The following AFG2A variants were observed in gnomAD, a reference collection of about 807,000 sequenced individuals.
AFG2A encodes ATPase family gene 2 protein homolog A.
chr4:123,143,533 T>C, the AFG2A span, among the ~76,000 whole-genome samples: 1 of 152,074 alleles, frequency 6.6e-6, no homozygotes, highest in South Asian at 2.1e-4. Context: ...CTTATGAGCT[T>C]TTCCAATTTT....
chr4:123,234,250 G>A, the AFG2A span, among the ~76,000 whole-genome samples: 13 of 152,018 alleles, frequency 8.6e-5, no homozygotes, highest in African/African-American at 2.2e-4. Flanking sequence ...ACAATCTGAC[G>A]GTATAAAATT....
chr4:122,967,418 A>G, the AFG2A span, among the ~76,000 whole-genome samples: 2 of 152,108 alleles, frequency 1.3e-5, no homozygotes, highest in East Asian at 1.9e-4. Context: ...AAATCAGAGT[A>G]ACGGCATGTA....
the AFG2A span, among the ~76,000 whole-genome samples, chr4:123,205,225 GTGGTA>G: frequency 3.3e-5 from 5 of 152,226 alleles, no homozygotes; most frequent in East Asian, 9.6e-4. Flanking sequence ...AGGGAGTACA[GTGGTA>G]TATAAGTAGT....
the AFG2A span, among the ~76,000 whole-genome samples, chr4:123,136,532 G>A: frequency 6.6e-6 from 1 of 151,948 alleles, no homozygotes; most frequent in Non-Finnish European, 1.5e-5. Flanking sequence ...AAAATTAGCT[G>A]GGGTGGTGGC....
At chr4:123,048,905 T>C in the AFG2A span, among the ~76,000 whole-genome samples, 1 of 152,190 alleles carries the variant, frequency 6.6e-6, no homozygotes, top group Non-Finnish European at 1.5e-5. Context: ...TTATGTTGAA[T>C]AGAAGTGGTG....
chr4:122,956,817 A>G, the AFG2A span, among the ~76,000 whole-genome samples: 1 of 152,188 alleles, frequency 6.6e-6, no homozygotes, highest in African/African-American at 2.4e-5. Flanking sequence ...ATACTAGTGT[A>G]TGTTGTATTA....
the AFG2A span, among the ~76,000 whole-genome samples, chr4:122,972,915 A>G: frequency 6.6e-6 from 1 of 152,088 alleles, no homozygotes; most frequent in Admixed American, 6.5e-5. Flanking sequence ...GTTTTTTAAT[A>G]TATACCAATT....
At chr4:123,004,806 T>G in the AFG2A span, among the ~76,000 whole-genome samples, 1 of 152,230 alleles carries the variant, frequency 6.6e-6, no homozygotes, top group Non-Finnish European at 1.5e-5. Flanking sequence ...TAGTATTATT[T>G]TTCCCTTATA....
the AFG2A span, among the ~76,000 whole-genome samples, chr4:123,227,516 C>T: frequency 4.6e-5 from 7 of 152,092 alleles, no homozygotes; most frequent in South Asian, 4.2e-4. Context: ...TGTAGTTGAG[C>T]GGTTTTGAGT....
At chr4:123,131,706 T>A in the AFG2A span, among the ~76,000 whole-genome samples, 1 of 152,206 alleles carries the variant, frequency 6.6e-6, no homozygotes, top group African/African-American at 2.4e-5. Flanking sequence ...ATATACCACA[T>A]CTTGTTATCC....
chr4:122,977,914 A>C, the AFG2A span, among the ~76,000 whole-genome samples: 3 of 151,956 alleles, frequency 2.0e-5, no homozygotes, highest in African/African-American at 7.3e-5. Flanking sequence ...CATCCTCACA[A>C]ATGTCTAGCT....
chr4:123,226,007 CTGTT>C, the AFG2A span, among the ~76,000 whole-genome samples: 1 of 152,080 alleles, frequency 6.6e-6, no homozygotes, highest in South Asian at 2.1e-4. Context: ...ATTTGGTTCT[CTGTT>C]TGTCTGTTAT....
chr4:123,121,247 G>GT, the AFG2A span, among the ~76,000 whole-genome samples: 4 of 71,886 alleles, frequency 5.6e-5, no homozygotes, highest in Non-Finnish European at 1.2e-4. Flanking sequence ...GAGTCAAAAA[G>GT]TAAAAAAAAA....
the AFG2A span, among the ~76,000 whole-genome samples, chr4:123,217,503 A>G: frequency 2.0e-5 from 3 of 152,216 alleles, no homozygotes; most frequent in African/African-American, 4.8e-5. Flanking sequence ...TTGATTCAAC[A>G]GTTTTATTTT....
the AFG2A span, chr4:122,927,591 C>G: frequency 1.9e-6 from 3 of 1,569,966 alleles, no homozygotes; most frequent in Non-Finnish European, 2.6e-6. Context: ...GCCTTAACTT[C>G]TGTTACAAAG....
the AFG2A span, among the ~76,000 whole-genome samples, chr4:123,254,295 A>G: frequency 0.012 from 1,773 of 151,036 alleles, 28 homozygotes; most frequent in African/African-American, 0.041. Context: ...ATTTTTCAGT[A>G]TGGTGTGAGG....
the AFG2A span, among the ~76,000 whole-genome samples, chr4:122,987,448 C>T: frequency 7.9e-5 from 12 of 152,046 alleles, no homozygotes; most frequent in Middle Eastern, 3.4e-3. Context: ...TAAGGGCTTA[C>T]TAGAGCTATT....
chr4:123,103,610 T>C, the AFG2A span, among the ~76,000 whole-genome samples: 1 of 152,112 alleles, frequency 6.6e-6, no homozygotes. Context: ...TTCTTACATA[T>C]AGTTAAATAT....
chr4:123,085,928 C>A, the AFG2A span, among the ~76,000 whole-genome samples: 1 of 151,804 alleles, frequency 6.6e-6, no homozygotes, highest in African/African-American at 2.4e-5. Flanking sequence ...TTTCAAATAG[C>A]CCTATTCACT....
Sources: allele counts gnomAD v4.1 joint callset (sites outside exome capture counted in the v4.1 genomes callset), GRCh38; gene constraint gnomAD v4.1.1; transcripts MANE v1.5; gene names NCBI Gene and HGNC (gene_info 2026-07-23, HGNC 2026-07-21).